Variants in VAV3 observed in about 807,000 individuals in gnomAD.
The protein encoded by VAV3 is vav guanine nucleotide exchange factor 3.
A neutral mutation model predicts 131.2 loss-of-function variants in VAV3; 94 were observed. The ratio of observed to expected loss-of-function variants is 0.72; its 90% CI spans 0.61 to 0.85. VAV3 has a LOEUF of 0.85. VAV3 is among the 40% of genes least tolerant of loss of function. The pLI, the probability that VAV3 is intolerant of heterozygous loss-of-function variation, is 0.00. For missense variants in VAV3, 939 were observed against 1,002.7 expected (o/e 0.94, Z 0.86); for synonymous variants, 349 against 342.0 (o/e 1.02, Z -0.22).
intron 2 of VAV3, among the ~76,000 whole-genome samples, chr1:107,860,501 C>CT (rs1387386328): frequency 6.6e-6 from 1 of 151,364 alleles, no homozygotes; most frequent in Non-Finnish European, 1.5e-5. Context: ...TATTGGGTTT[C>CT]TTTTTTACTT....
chr1:107,843,365 A>AAT (rs34150658), intron 2 of VAV3, among the ~76,000 whole-genome samples: 10,421 of 139,764 alleles, frequency 0.075, 469 homozygotes, highest in East Asian at 0.21. Flanking sequence ...GCACAACACA[A>AAT]ATATATATAT....
At chr1:107,592,067 G>T (rs1255391296) in intron 25 of VAV3, among the ~76,000 whole-genome samples, 1 of 151,922 alleles carries the variant, frequency 6.6e-6, no homozygotes, top group Non-Finnish European at 1.5e-5. Flanking sequence ...GTGTGTGTGT[G>T]TGTGTGTGTG....
At chr1:107,665,220 A>C (rs1486614006) in intron 19 of VAV3, among the ~76,000 whole-genome samples, 2 of 152,174 alleles carry the variant, frequency 1.3e-5, no homozygotes, top group Non-Finnish European at 2.9e-5. Context: ...TTTACTAAAT[A>C]CCAGTGGTGT....
At chr1:107,917,030 G>T (rs1429121088) in intron 1 of VAV3, among the ~76,000 whole-genome samples, 1 of 152,158 alleles carries the variant, frequency 6.6e-6, no homozygotes, top group Non-Finnish European at 1.5e-5. Flanking sequence ...GTGACGATCA[G>T]ATTGTCCAAA....
At chr1:107,633,661 AAAGC>A (rs1654683449) in intron 20 of VAV3, among the ~76,000 whole-genome samples, 1 of 152,152 alleles carries the variant, frequency 6.6e-6, no homozygotes, top group Non-Finnish European at 1.5e-5. Context: ...TAACCAAAAA[AAAGC>A]GGCAAAAGTA....
intron 15 of VAV3, among the ~76,000 whole-genome samples, chr1:107,736,886 C>G (rs191456248): frequency 2.0e-5 from 3 of 152,106 alleles, no homozygotes; most frequent in Non-Finnish European, 4.4e-5. Context: ...AAAAAGAGCC[C>G]GCATTGCCAA....
intron 15 of VAV3, among the ~76,000 whole-genome samples, chr1:107,742,405 C>T (rs932745225): frequency 3.9e-5 from 6 of 152,184 alleles, no homozygotes; most frequent in African/African-American, 1.4e-4. Flanking sequence ...GATCTAATGG[C>T]AACCCCATAT....
chr1:107,925,379 G>A (rs145543514), intron 1 of VAV3, among the ~76,000 whole-genome samples: 21 of 152,260 alleles, frequency 1.4e-4, no homozygotes, highest in Middle Eastern at 6.8e-3. Flanking sequence ...TTGTATACCC[G>A]TATTCAGAGC....
intron 2 of VAV3, among the ~76,000 whole-genome samples, chr1:107,838,609 C>G (rs1668570672): frequency 6.6e-6 from 1 of 152,086 alleles, no homozygotes; most frequent in African/African-American, 2.4e-5. Flanking sequence ...ACTGGGTATA[C>G]AACCAAAGGA....
intron 15 of VAV3, among the ~76,000 whole-genome samples, chr1:107,707,529 C>A (rs1409791415): frequency 1.3e-5 from 2 of 152,192 alleles, no homozygotes; most frequent in African/African-American, 4.8e-5. Context: ...AGGGTGTGAT[C>A]ATGATAGTGC....
At chr1:107,828,479 T>G (rs775525057) in intron 2 of VAV3, among the ~76,000 whole-genome samples, 1 of 152,154 alleles carries the variant, frequency 6.6e-6, no homozygotes, top group Non-Finnish European at 1.5e-5. Context: ...GCATCTCACT[T>G]AAGCCAGTGA....
intron 2 of VAV3, among the ~76,000 whole-genome samples, chr1:107,866,756 G>A (rs1280402656): frequency 6.8e-6 from 1 of 146,488 alleles, no homozygotes; most frequent in Admixed American, 7.0e-5. Flanking sequence ...CTGGAAGGTG[G>A]AGGCTGCATT....
At chr1:107,921,693 A>G (rs1389729220) in intron 1 of VAV3, among the ~76,000 whole-genome samples, 2 of 152,226 alleles carry the variant, frequency 1.3e-5, no homozygotes, top group East Asian at 3.8e-4. Flanking sequence ...TTATGGTGGT[A>G]AACATTCTTA....
chr1:107,917,636 A>G (rs1672685225), intron 1 of VAV3, among the ~76,000 whole-genome samples: 1 of 152,230 alleles, frequency 6.6e-6, no homozygotes, highest in African/African-American at 2.4e-5. Flanking sequence ...AAGTTACAGA[A>G]GAACAGTCAA....
intron 15 of VAV3, among the ~76,000 whole-genome samples, chr1:107,721,739 A>G (rs1322971858): frequency 2.6e-5 from 4 of 152,068 alleles, no homozygotes; most frequent in Non-Finnish European, 5.9e-5. Context: ...GCCTGAAAAA[A>G]AAACGTGATG....
At chr1:107,765,010 T>C (rs1664657230) in intron 9 of VAV3, 66 bp downstream of exon 9, 1 of 1,041,002 alleles carries the variant, frequency 9.6e-7, no homozygotes, top group Non-Finnish European at 1.5e-6. Flanking sequence ...TCACTGATCA[T>C]AAAGAGGAAC....
chr1:107,663,467 C>A (rs978586780), intron 19 of VAV3, among the ~76,000 whole-genome samples: 9 of 151,908 alleles, frequency 5.9e-5, no homozygotes, highest in Admixed American at 3.9e-4. Context: ...ATTTTTGAAT[C>A]CTTGGTAACT....
At chr1:107,769,811 T>G (rs1225671208) in intron 6 of VAV3, among the ~76,000 whole-genome samples, 3 of 152,186 alleles carry the variant, frequency 2.0e-5, no homozygotes, top group African/African-American at 7.2e-5. Context: ...CCTCTCTTTT[T>G]TTCACATCCT....
chr1:107,576,288 C>G (rs1649642069), intron 25 of VAV3: 1 of 924,260 alleles, frequency 1.1e-6, no homozygotes, highest in Admixed American at 3.4e-5. Context: ...GAGGGATTGT[C>G]TGTGAGGAGA....
Sources: gnomAD v4.1 joint callset for allele counts (sites outside exome capture counted in the v4.1 genomes callset) on GRCh38, gnomAD v4.1.1 for gene constraint, MANE v1.5 for transcripts, NCBI Gene and HGNC (gene_info 2026-07-23, HGNC 2026-07-21) for gene names.